The following PLXNA4 variants were observed in gnomAD, a reference collection of about 807,000 sequenced individuals.
The protein encoded by PLXNA4 is plexin-A4.
In PLXNA4, 44 loss-of-function variants were observed where a neutral mutation model predicts 191.8. That is an observed-to-expected ratio of 0.23 (90% CI 0.18 to 0.29). The LOEUF is 0.29. Among genes scored for constraint, PLXNA4 ranks in the 10% least tolerant of loss-of-function variants. The pLI is 1.00. For missense variants in PLXNA4, 1,800 were observed against 2,488.8 expected, an observed-to-expected ratio of 0.72 and a Z score of 5.89; for synonymous variants, 1,082 against 1,009.5, an observed-to-expected ratio of 1.07 and a Z score of -1.36.
At chr7:132,567,716 T>G (rs1414501502) in intron 1 of PLXNA4, among the ~76,000 whole-genome samples, 2 of 152,192 alleles carry the variant, frequency 1.3e-5, no homozygotes, top group Non-Finnish European at 2.9e-5. Context: ...TAAGAAATGA[T>G]CCCTCTCAAC....
chr7:132,154,409 TTC>T (rs1768488852), intron 25 of PLXNA4, among the ~76,000 whole-genome samples: 2 of 58,234 alleles, frequency 3.4e-5, no homozygotes, highest in South Asian at 1.2e-3. Context: ...TCTAAAAACG[TTC>T]TGTTTTTTTT....
chr7:132,348,102 C>A (rs1803322438), intron 3 of PLXNA4, among the ~76,000 whole-genome samples: 1 of 152,170 alleles, frequency 6.6e-6, no homozygotes, highest in Non-Finnish European at 1.5e-5. Context: ...CCTTCCTTCT[C>A]CCTACCCGCC....
At chr7:132,192,743 A>T (rs1164912008) in intron 14 of PLXNA4, among the ~76,000 whole-genome samples, 1 of 152,196 alleles carries the variant, frequency 6.6e-6, no homozygotes, top group Non-Finnish European at 1.5e-5. Flanking sequence ...TTTAGTTTTT[A>T]AAATGATGGG....
intron 2 of PLXNA4, among the ~76,000 whole-genome samples, chr7:132,627,163 GA>G (rs1444902150): frequency 6.6e-6 from 1 of 152,150 alleles, no homozygotes; most frequent in African/African-American, 2.4e-5. Flanking sequence ...TCATAAAGAA[GA>G]ATGGTATTCC....
intron 31 of PLXNA4, among the ~76,000 whole-genome samples, chr7:132,132,440 CTGTTCTGTTCTGTTCTGTTCTGT>C (rs1563048157): frequency 0.011 from 715 of 64,722 alleles, 24 homozygotes; most frequent in South Asian, 0.027. Context: ...CTGTTCTGTT[CTGTTCTGTTCTGTTCTGTTCTGT>C]TCTGCTCTGC....
intron 3 of PLXNA4, among the ~76,000 whole-genome samples, chr7:132,393,252 C>T (rs891703809): frequency 6.8e-5 from 10 of 148,108 alleles, no homozygotes; most frequent in Non-Finnish European, 1.0e-4. Context: ...CTCTCCCACT[C>T]CCCATTCTAG....
intron 4 of PLXNA4, among the ~76,000 whole-genome samples, chr7:132,248,112 T>A (rs1799123922): frequency 1.3e-5 from 2 of 152,224 alleles, no homozygotes; most frequent in African/African-American, 4.8e-5. Flanking sequence ...GGCAAATGAA[T>A]GCTTCCGAAG....
intron 3 of PLXNA4, among the ~76,000 whole-genome samples, chr7:132,375,282 G>GCCCCCCC (rs67189242): frequency 7.0e-6 from 1 of 142,622 alleles, no homozygotes; most frequent in African/African-American, 2.6e-5. Flanking sequence ...ACTCCATCCC[G>GCCCCCCC]CCCCCCCCCA....
chr7:132,349,756 C>T (rs1585022090), intron 3 of PLXNA4, among the ~76,000 whole-genome samples: 1 of 152,108 alleles, frequency 6.6e-6, no homozygotes, highest in South Asian at 2.1e-4. Context: ...TATCCTGTTG[C>T]TTTTCACCCC....
intron 5 of PLXNA4, among the ~76,000 whole-genome samples, chr7:132,235,057 C>T (rs1288379650): frequency 2.0e-5 from 3 of 152,244 alleles, no homozygotes; most frequent in African/African-American, 7.2e-5. Context: ...ATTGGCATGG[C>T]TGGTTGAAGC....
intron 3 of PLXNA4, among the ~76,000 whole-genome samples, chr7:132,450,079 G>A (rs1796064418): frequency 6.6e-6 from 1 of 152,182 alleles, no homozygotes; most frequent in African/African-American, 2.4e-5. Context: ...GAAGGAAGAT[G>A]ACTGCTCTAT....
intron 3 of PLXNA4, among the ~76,000 whole-genome samples, chr7:132,371,789 A>G (rs1457567440): frequency 2.0e-5 from 3 of 152,280 alleles, no homozygotes; most frequent in Non-Finnish European, 2.9e-5. Flanking sequence ...CTCCTGACAC[A>G]CAAACACACA....
At chr7:132,204,188 T>G (rs1484399676) in intron 10 of PLXNA4, among the ~76,000 whole-genome samples, 2 of 152,284 alleles carry the variant, frequency 1.3e-5, no homozygotes, top group East Asian at 3.9e-4. Flanking sequence ...CTCCCCTACC[T>G]GGCTGAGAGA....
rs994766263 is a variant in PLXNA4 at position 132,179,748 on chromosome 7, C to T, written c.3813G>A (p.Leu1271=). The T allele has an allele frequency of 1.9e-6, 3 of 1,614,044 alleles. No individual in the cohort carries two copies. In the African/African-American group the frequency reaches 4.0e-5, roughly 22 times the overall value. The change falls in exon 20 of 32, where the codon CTG becomes CTA. Residue 1271 remains leucine, a synonymous_variant. Coordinates refer to ENST00000321063, the MANE Select transcript of PLXNA4 (RefSeq NM_020911.2). The part of the protein sequence containing the change: ...KRKSRESDLT[L]KRLQMQMDNL... ...TGTCCATCTGCATCTGCAGCCGCTTCAGCGTGAGGTCACTTTCGCGGGACT... is the reference window on the plus strand; with the variant it reads ...TGTCCATCTGCATCTGCAGCCGCTTTAGCGTGAGGTCACTTTCGCGGGACT...
intron 5 of PLXNA4, among the ~76,000 whole-genome samples, chr7:132,236,480 T>C (rs1991118): frequency 0.7 from 106,781 of 152,054 alleles, 38,275 homozygotes; most frequent in African/African-American, 0.85. Flanking sequence ...ATCAGGCTTG[T>C]TGAGGCCACT....
chr7:132,175,187 G>A (rs1029479446), intron 20 of PLXNA4, among the ~76,000 whole-genome samples: 1 of 152,280 alleles, frequency 6.6e-6, no homozygotes, highest in East Asian at 1.9e-4. Context: ...GGTGGCTGAG[G>A]CTGTCCACAG....
chr7:132,144,997 C>T, intron 29 of PLXNA4, 122 bp downstream of exon 29: 1 of 1,416,344 alleles, frequency 7.1e-7, no homozygotes, highest in Non-Finnish European at 9.7e-7. Flanking sequence ...GCTCAGAGTC[C>T]CTGCTGATGA....
chr7:132,554,311 C>T (rs2116592758), intron 1 of PLXNA4, among the ~76,000 whole-genome samples: 1 of 152,228 alleles, frequency 6.6e-6, no homozygotes, highest in Middle Eastern at 3.4e-3. Context: ...GACAGAGAAG[C>T]AATGGCAAAT....
At chr7:132,512,766 AG>A (rs1206286414) in intron 1 of PLXNA4, among the ~76,000 whole-genome samples, 3 of 152,192 alleles carry the variant, frequency 2.0e-5, no homozygotes, top group Non-Finnish European at 4.4e-5. Context: ...AAGAGTTTCC[AG>A]GGGGGTTTCC....
Sources: gnomAD v4.1 joint callset for allele counts (sites outside exome capture counted in the v4.1 genomes callset) on GRCh38, gnomAD v4.1.1 for gene constraint, MANE v1.5 for transcripts, NCBI Gene and HGNC (gene_info 2026-07-23, HGNC 2026-07-21) for gene names.